Variants in NEO1 observed in about 807,000 individuals in gnomAD.
NEO1 encodes neogenin 1, also known as neogenin.
Under a neutral mutation model 159.7 loss-of-function variants are expected in NEO1, and 63 were observed. That is an observed-to-expected ratio of 0.39 (90% confidence interval 0.32 to 0.49). NEO1 has a LOEUF of 0.49. NEO1 is among the 20% of genes least tolerant of loss of function. The pLI, the probability that NEO1 is intolerant of heterozygous loss-of-function variation, is 0.85. For synonymous variants in NEO1, 633 were observed against 662.0 expected, an observed-to-expected ratio of 0.96 and a Z score of 0.67; for missense variants, 1,615 against 1,831.0, an observed-to-expected ratio of 0.88 and a Z score of 2.15.
At chr15:73,263,657 A>T (rs571474425) in intron 15 of NEO1, among the ~76,000 whole-genome samples, 1 of 152,234 alleles carries the variant, frequency 6.6e-6, no homozygotes, top group African/African-American at 2.4e-5. Flanking sequence ...CCAAATTTTC[A>T]TTCAGATCGT....
intron 1 of NEO1, among the ~76,000 whole-genome samples, chr15:73,084,692 G>A (rs2069255514): frequency 6.6e-6 from 1 of 152,010 alleles, no homozygotes; most frequent in African/African-American, 2.4e-5. Flanking sequence ...TCATAGGGAA[G>A]TTTTATTTTT....
chr15:73,126,497 C>T lies in NEO1; in HGVS notation c.805C>T (p.Pro269Ser), dbSNP rs1048521112. 3 of 1,613,616 alleles carry T rather than the reference C, an allele frequency of 1.9e-6. No individual in the cohort carries two copies. Among genetic ancestry groups the T allele is most frequent in the Non-Finnish European group, 2.5e-6 (3 of 1,179,840 alleles). ...VRVIGQDVVL[P>S]CVASGLPTPT... Reference sequence around the variant, plus strand: ...AGTCATTGGTCAGGATGTAGTGTTGCCATGTGTTGCTTCAGGACTTCCTAC... The same window carrying T: ...AGTCATTGGTCAGGATGTAGTGTTGTCATGTGTTGCTTCAGGACTTCCTAC... Residue 269 changes from proline (P) to serine (S), a missense_variant, in exon 4 of 29, where the codon CCA becomes TCA. Coordinates refer to ENST00000261908, the MANE Select transcript of NEO1 (RefSeq NM_002499.4).
At chr15:73,089,099 A>G (rs189364090) in intron 1 of NEO1, among the ~76,000 whole-genome samples, 7 of 152,260 alleles carry the variant, frequency 4.6e-5, no homozygotes, top group Admixed American at 2.0e-4. Flanking sequence ...TAATTCAACA[A>G]TGTCAGATAT....
At chr15:73,122,237 C>T (rs1323798584) in intron 2 of NEO1, among the ~76,000 whole-genome samples, 2 of 151,408 alleles carry the variant, frequency 1.3e-5, no homozygotes, top group African/African-American at 4.8e-5. Flanking sequence ...GATGTTTACA[C>T]TGATACCTCC....
At chr15:73,205,006 G>A (rs766389508) in intron 7 of NEO1, among the ~76,000 whole-genome samples, 1 of 152,054 alleles carries the variant, frequency 6.6e-6, no homozygotes, top group African/African-American at 2.4e-5. Flanking sequence ...TCTTGACTTC[G>A]GAACTTCCCT....
chr15:73,086,173 T>C (rs1375957193), intron 1 of NEO1, among the ~76,000 whole-genome samples: 1 of 152,242 alleles, frequency 6.6e-6, no homozygotes, highest in Admixed American at 6.5e-5. Context: ...ACCTTGTTTG[T>C]TGAAAAGACT....
chr15:73,194,442 C>T (rs1288782317), intron 7 of NEO1, among the ~76,000 whole-genome samples: 1 of 152,158 alleles, frequency 6.6e-6, no homozygotes, highest in Non-Finnish European at 1.5e-5. Context: ...CATCTGCTTC[C>T]AATGAGGGCT....
intron 7 of NEO1, among the ~76,000 whole-genome samples, chr15:73,235,485 C>T (rs1421136369): frequency 6.6e-6 from 1 of 152,198 alleles, no homozygotes; most frequent in Non-Finnish European, 1.5e-5. Flanking sequence ...ACAAAAGTGG[C>T]TTTTGACTAG....
chr15:73,130,371 A>G (rs1247734039), intron 4 of NEO1, among the ~76,000 whole-genome samples: 1 of 150,862 alleles, frequency 6.6e-6, no homozygotes, highest in African/African-American at 2.4e-5. Flanking sequence ...TATATCCCAG[A>G]CTTGGAGCTA....
intron 2 of NEO1, among the ~76,000 whole-genome samples, chr15:73,117,081 A>G (rs1203145306): frequency 6.6e-6 from 1 of 152,216 alleles, no homozygotes; most frequent in Non-Finnish European, 1.5e-5. Context: ...TGATGGCTTA[A>G]TATTGCTATC....
chr15:73,304,898 A>G lies in NEO1; in HGVS notation c.*2202A>G, dbSNP rs1458258597. On this transcript the variant is annotated 3_prime_UTR_variant, in exon 29 of 29. Transcript: ENST00000261908. ...TTAAGAAAAAGGAAAGCTATTCTGT[A>G]TTGCACCTTTTCACAATTTAATACA... 1 of 152,118 alleles carries G rather than the reference A, an allele frequency of 6.6e-6. No homozygotes were observed. Among genetic ancestry groups the G allele is most frequent in the Non-Finnish European group, 1.5e-5 (1 of 68,020 alleles). 9.4% of individuals were successfully genotyped at this position (152,118 alleles called of 1,614,324 possible). A position where few individuals can be genotyped will look rare whatever the true frequency, so the allele number is the denominator to read the frequency against.
At chr15:73,087,898 G>A (rs992810371) in intron 1 of NEO1, among the ~76,000 whole-genome samples, 1 of 151,966 alleles carries the variant, frequency 6.6e-6, no homozygotes, top group Non-Finnish European at 1.5e-5. Context: ...GTATGGATAT[G>A]CCATAATTTT....
At chr15:73,282,497 C>T (rs2041767621) in intron 22 of NEO1, among the ~76,000 whole-genome samples, 1 of 152,188 alleles carries the variant, frequency 6.6e-6, no homozygotes, top group Admixed American at 6.5e-5. Flanking sequence ...ACTTTTCATG[C>T]AATTTTTATA....
At chr15:73,202,462 G>GAA (rs1323595673) in intron 7 of NEO1, among the ~76,000 whole-genome samples, 20 of 152,188 alleles carry the variant, frequency 1.3e-4, no homozygotes, top group Admixed American at 6.5e-4. Context: ...GGCATAAGAG[G>GAA]AGCATCTGTT....
chr15:73,135,064 T>C (rs1035327401), intron 4 of NEO1, among the ~76,000 whole-genome samples: 2 of 152,226 alleles, frequency 1.3e-5, no homozygotes, highest in African/African-American at 4.8e-5. Flanking sequence ...TAGGTACTTG[T>C]CCCTAGAATT....
chr15:73,249,158 A>G lies in NEO1; in HGVS notation c.1705A>G (p.Ile569Val). 6.2e-7 allele frequency: 1 copy of G among 1,614,130 alleles called. No individual in the cohort carries two copies. The highest frequency in any genetic ancestry group is 8.5e-7 in the Non-Finnish European group (1 of 1,179,960). The change falls in exon 10 of 29, where the codon ATT becomes GTT. Residue 569 changes from isoleucine (I) to valine (V), a missense_variant. Ile to Val is a conservative substitution (Grantham distance 29). Around this residue, in one of 3 missense-constraint regions of NEO1, gnomAD observed 1,018 missense variants for 1,115.4 expected, o/e 0.91. Transcript: ENST00000261908. ...WETPVSGNGE[I>V]QNYKLYYMEK... ...AACACCAGTGTCTGGCAATGGGGAAATTCAGAATTATAAATTGTACTACAT... is the reference window on the plus strand; with the variant it reads ...AACACCAGTGTCTGGCAATGGGGAAGTTCAGAATTATAAATTGTACTACAT...
At chr15:73,242,280 A>G (rs905426651) in intron 8 of NEO1, among the ~76,000 whole-genome samples, 2 of 152,216 alleles carry the variant, frequency 1.3e-5, no homozygotes, top group Non-Finnish European at 2.9e-5. Context: ...CCTTGCCAAT[A>G]ACATCAACAG....
chr15:73,089,979 A>T (rs1026208186), intron 1 of NEO1, among the ~76,000 whole-genome samples: 1 of 152,146 alleles, frequency 6.6e-6, no homozygotes, highest in Non-Finnish European at 1.5e-5. Context: ...CACCAGCATA[A>T]TTATTTAGAG....
chr15:73,263,753 G>A (rs565879354), intron 15 of NEO1, among the ~76,000 whole-genome samples: 1 of 151,976 alleles, frequency 6.6e-6, no homozygotes, highest in African/African-American at 2.4e-5. Context: ...AATAAGCTGG[G>A]ATTTAAATAT....
Sources: allele counts gnomAD v4.1 joint callset (sites outside exome capture counted in the v4.1 genomes callset), GRCh38; gene constraint gnomAD v4.1.1; regional missense constraint gnomAD v4.1.1; transcripts MANE v1.5; gene names NCBI Gene and HGNC (gene_info 2026-07-23, HGNC 2026-07-21).